OVCH1: variants seen among roughly 807,000 people sequenced by gnomAD.
OVCH1 encodes the protein ovochymase 1.
Under a neutral mutation model 138.4 loss-of-function variants are expected in OVCH1, and 139 were observed. The observed-to-expected ratio is 1.00, with a 90% CI of 0.87 to 1.16. The LOEUF is 1.16. Ranked by LOEUF, OVCH1 falls within the 50% of genes most tolerant of loss-of-function variation. The pLI, the probability that OVCH1 is intolerant of heterozygous loss-of-function variation, is 0.00. For missense variants in OVCH1, 1,367 were observed against 1,357.9 expected, an observed-to-expected ratio of 1.01 and a Z score of -0.11; for synonymous variants, 453 against 467.8, an observed-to-expected ratio of 0.97 and a Z score of 0.41.
chr12:29,474,590 T>G (rs1225166812), intron 14 of OVCH1, among the ~76,000 whole-genome samples: 1 of 152,146 alleles, frequency 6.6e-6, no homozygotes, highest in African/African-American at 2.4e-5. Context: ...ACTCAAAACA[T>G]GTAGAGTTAT....
chr12:29,444,733 C>T (rs961189911), intron 23 of OVCH1, among the ~76,000 whole-genome samples: 1 of 151,852 alleles, frequency 6.6e-6, no homozygotes, highest in African/African-American at 2.4e-5. Context: ...CAGTTGTCTA[C>T]ATCAAGAATA....
At chr12:29,445,547 A>G (rs11050235) in intron 22 of OVCH1, 144 bp from the exon 23 acceptor site, 75,965 of 842,388 alleles carry the variant, frequency 0.09, 4,272 homozygotes, top group South Asian at 0.16. Context: ...TCCAGAACAT[A>G]AGTGACTCAC....
chr12:29,439,473 A>C, intron 25 of OVCH1: 1 of 1,465,408 alleles, frequency 6.8e-7, no homozygotes, highest in East Asian at 2.5e-5. Context: ...CAAACAAACA[A>C]AAAACAAAAA....
chr12:29,487,989 C>A, intron 6 of OVCH1, 107 bp from the exon 7 acceptor site: 1 of 1,068,918 alleles, frequency 9.4e-7, no homozygotes, highest in Non-Finnish European at 1.3e-6. Context: ...GAGGTAGAGG[C>A]AAAGAAGTCC....
intron 3 of OVCH1, among the ~76,000 whole-genome samples, chr12:29,420,480 C>CTTTTAAAATGAAA (rs1565562315): frequency 2.8e-5 from 1 of 35,230 alleles, no homozygotes; most frequent in African/African-American, 9.2e-5. Context: ...AAGGAAAAAG[C>CTTTTAAAATGAAA]AGCTTTTTTT....
intron 18 of OVCH1, among the ~76,000 whole-genome samples, chr12:29,463,449 G>A (rs1383836872): frequency 2.0e-5 from 3 of 152,086 alleles, no homozygotes; most frequent in Non-Finnish European, 4.4e-5. Flanking sequence ...GAAAGGCCAC[G>A]GTATCTGAAG....
At chr12:29,490,962 C>T in intron 5 of OVCH1, 135 bp downstream of exon 5, 1 of 711,946 alleles carries the variant, frequency 1.4e-6, no homozygotes, top group African/African-American at 1.8e-5. Context: ...TGAGGACTAC[C>T]AGAAATCTTC....
At chr12:29,424,098 CAG>C (rs1592026996), downstream of OVCH1, among the ~76,000 whole-genome samples, 1 of 152,134 alleles carries the variant, frequency 6.6e-6, no homozygotes, top group African/African-American at 2.4e-5. Flanking sequence ...GAGCCTCAAA[CAG>C]AGATTTACTC....
chr12:29,455,124 T>TA (rs1941909897), intron 20 of OVCH1, 125 bp downstream of exon 20: 1 of 1,244,826 alleles, frequency 8.0e-7, no homozygotes, highest in Non-Finnish European at 1.1e-6. Flanking sequence ...TTAGTGTGTT[T>TA]AGTAACTAAA....
intron 3 of OVCH1, among the ~76,000 whole-genome samples, chr12:29,421,695 CTG>C (rs1264600064): frequency 1.3e-5 from 2 of 152,044 alleles, no homozygotes; most frequent in African/African-American, 4.8e-5. Flanking sequence ...ATTTCCAGCA[CTG>C]TGTTTATTCC....
At chr12:29,414,016 CTCTCTTTTTTTT>C (rs370710308) in intron 3 of OVCH1, among the ~76,000 whole-genome samples, 29,069 of 140,134 alleles carry the variant, frequency 0.21, 3,591 homozygotes, top group Middle Eastern at 0.3. Flanking sequence ...TCCTCTCTCT[CTCTCTTTTTTTT>C]TTTTTTTTTT....
chr12:29,482,185 C>T (rs1056959132), intron 8 of OVCH1, among the ~76,000 whole-genome samples: 1 of 152,178 alleles, frequency 6.6e-6, no homozygotes, highest in Non-Finnish European at 1.5e-5. Flanking sequence ...AGAATTTGGC[C>T]ACATTGCCCC....
intron 16 of OVCH1, among the ~76,000 whole-genome samples, chr12:29,467,030 C>A (rs1942343581): frequency 6.6e-6 from 1 of 152,114 alleles, no homozygotes. Flanking sequence ...GTTTGACTTA[C>A]TCATGTGTTT....
At chr12:29,413,661 T>TACACACACACACACACACAC (rs34675791) in intron 3 of OVCH1, among the ~76,000 whole-genome samples, 2 of 149,044 alleles carry the variant, frequency 1.3e-5, no homozygotes, top group Non-Finnish European at 3.0e-5. Flanking sequence ...CTGTGTGTAT[T>TACACACACACACACACACAC]ACACACATAC....
chr12:29,479,544 T>C (rs752989145), intron 8 of OVCH1, among the ~76,000 whole-genome samples: 9 of 152,192 alleles, frequency 5.9e-5, no homozygotes, highest in Non-Finnish European at 1.3e-4. Context: ...CATAAATTTA[T>C]TATTCAAGAA....
intron 19 of OVCH1, among the ~76,000 whole-genome samples, chr12:29,458,244 A>G (rs1228682647): frequency 3.9e-5 from 6 of 152,184 alleles, no homozygotes; most frequent in Non-Finnish European, 7.4e-5. Context: ...GAATTATATT[A>G]CAAAGCTATA....
intron 22 of OVCH1, among the ~76,000 whole-genome samples, chr12:29,446,124 C>G (rs942131094): frequency 5.3e-5 from 8 of 151,784 alleles, no homozygotes; most frequent in Admixed American, 3.3e-4. Context: ...TATATTTTAT[C>G]TTATTATGTG....
Position 29,443,345 on chromosome 12 carries a change from A to T in OVCH1, c.3157+16T>A. 6.2e-7 allele frequency: 1 copy of T among 1,607,314 alleles called. No homozygotes were observed. The highest frequency in any genetic ancestry group is 2.2e-5 in the East Asian group (1 of 44,736). The stretch of plus-strand genomic sequence containing the variant: ...AGAAAAATCAGTAGCATAGAGATTC[A>T]TGGGAAATCAGTTACCTATTAATTT... On this transcript the variant is annotated intron_variant, in intron 25 of 27. Coordinates refer to ENST00000318184, the Ensembl canonical transcript of OVCH1.
chr12:29,464,855 GT>G, intron 17 of OVCH1, 153 bp from the exon 18 acceptor site: 1 of 740,710 alleles, frequency 1.4e-6, no homozygotes, highest in Non-Finnish European at 2.2e-6. Context: ...AGCAATATTG[GT>G]TTACAATTTG....
Sources: gnomAD v4.1 joint callset for allele counts (sites outside exome capture counted in the v4.1 genomes callset) on GRCh38, gnomAD v4.1.1 for gene constraint, MANE v1.5 for transcripts, NCBI Gene and HGNC (gene_info 2026-07-23, HGNC 2026-07-21) for gene names.